METTL3: variants seen among roughly 807,000 people sequenced by gnomAD.
METTL3 encodes N(6)-adenosine-methyltransferase catalytic subunit METTL3.
Under a neutral mutation model 64.3 loss-of-function variants are expected in METTL3, and 42 were observed. The observed-to-expected ratio is 0.65, with a 90% CI of 0.51 to 0.84. METTL3 has a LOEUF of 0.84. Among genes scored for constraint, METTL3 ranks in the 40% least tolerant of loss-of-function variants. The probability of loss-of-function intolerance (pLI) is 0.00; values close to 1 mark genes in which losing one functional copy is unlikely to be tolerated. For synonymous variants in METTL3, 256 were observed against 263.6 expected (o/e 0.97, Z 0.28); for missense variants, 435 against 722.3 (o/e 0.60, Z 4.56).
At chr14:21,498,407 TG>T (rs1405070285) in intron 10 of METTL3, 38 bp from the exon 11 acceptor site, 5 of 1,603,986 alleles carry the variant, frequency 3.1e-6, no homozygotes, top group Non-Finnish European at 4.3e-6. Context: ...CCAGAAATCC[TG>T]GAATTAGAGG....
At position 21,499,818 on chromosome 14, in the gene METTL3, T is replaced by C. The variant is rs776013547; in HGVS notation, c.1305-16A>G. On this transcript the variant is annotated splice_polypyrimidine_tract_variant and intron_variant, in intron 6 of 10. Coordinates refer to ENST00000298717, the MANE Select transcript of METTL3 (RefSeq NM_019852.5). ...CTCCATGGCCCTAGAAAGAAATGAG[T>C]TAAACAACTATTTGTATGCCCATAT... 2 of 1,610,516 alleles carry C rather than the reference T, an allele frequency of 1.2e-6. No homozygotes were observed. Among genetic ancestry groups the C allele is most frequent in the East Asian group, 2.2e-5 (1 of 44,864 alleles).
At position 21,500,717 on chromosome 14, in the gene METTL3, T is replaced by TA. The variant is rs757742876; in HGVS notation, c.1117-36_1117-35insT. On this transcript the variant is annotated intron_variant, in intron 5 of 10. Coordinates refer to ENST00000298717, the MANE Select transcript of METTL3 (RefSeq NM_019852.5). ...GTGGTATTTGGTCATCTTCCCTACT[T>TA]TAACTCTGAGATTCATGGCCCGAGT... 3 of 1,583,772 alleles carry TA rather than the reference T, an allele frequency of 1.9e-6. No homozygotes were observed. In the South Asian group the frequency reaches 3.4e-5, roughly 18 times the overall value.
intron 5 of METTL3, 82 bp from the exon 6 acceptor site, chr14:21,500,764 T>A (rs1891545357): frequency 6.7e-7 from 1 of 1,496,040 alleles, no homozygotes; most frequent in South Asian, 1.3e-5. Flanking sequence ...ATTTGATTTT[T>A]CCTATTCCCT....
Position 21,498,259 on chromosome 14 carries a change from T to TATAGGTTTAGAG in METTL3, c.1741_1742insCTCTAAACCTAT (p.Leu580_Ter581insSerLeuAsnLeu). Reference sequence around the variant, plus strand: ...TCTTAGCTCTGTAAGGAAGTGCTTCTATAAATTCTTAGGTTTAGAGATGAT... The same window carrying TATAGGTTTAGAG: ...TCTTAGCTCTGTAAGGAAGTGCTTCTATAGGTTTAGAGATAAATTCTTAGGTTTAGAGATGAT... On this transcript the variant is annotated inframe_insertion, in exon 11 of 11. Coordinates refer to ENST00000298717, the MANE Select transcript of METTL3 (RefSeq NM_019852.5). 6.4e-7 allele frequency: 1 copy of TATAGGTTTAGAG among 1,556,824 alleles called. No individual in the cohort carries two copies. Among genetic ancestry groups the TATAGGTTTAGAG allele is most frequent in the Non-Finnish European group, 8.9e-7 (1 of 1,127,744 alleles).
At chr14:21,507,609 GC>G (rs1891729847) in intron 1 of METTL3, 1 of 152,168 alleles carries the variant, frequency 6.6e-6, no homozygotes, top group Admixed American at 6.5e-5. Flanking sequence ...CTTGCAGTGA[GC>G]CGAGATCGCG....
Position 21,500,633 on chromosome 14 carries a change from A to T in METTL3, c.1166T>A (p.Phe389Tyr). The change falls in exon 6 of 11, where the codon TTT becomes TAT. Residue 389 changes from phenylalanine to tyrosine, a missense_variant. Around this residue, in one of 9 missense-constraint regions of METTL3, gnomAD observed 67 missense variants for 71.5 expected, o/e 0.94. Coordinates refer to ENST00000298717, the MANE Select transcript of METTL3 (RefSeq NM_019852.5). ...GGGTGGGTCAGCCATCACAACTGCA[A>T]ACTTGCCCAAGATACTGACGTCCAG... ...RYLDVSILGK[F>Y]AVVMADPPWD... is the part of the protein sequence containing the mutation. 1 of 1,614,066 alleles carries T rather than the reference A, an allele frequency of 6.2e-7. No individual in the cohort carries two copies. The highest frequency in any genetic ancestry group is 8.5e-7 in the Non-Finnish European group (1 of 1,179,998).
chr14:21,507,628 A>G (rs561217532), intron 1 of METTL3: 28 of 152,344 alleles, frequency 1.8e-4, no homozygotes, highest in Non-Finnish European at 3.7e-4. Context: ...GCGCCACTGC[A>G]TTCCAGCCTG....
intron 1 of METTL3, chr14:21,504,645 T>A (rs1215867739): frequency 6.6e-6 from 1 of 152,242 alleles, no homozygotes; most frequent in Non-Finnish European, 1.5e-5. Context: ...AATATTTCCA[T>A]TCTGGTAAGG....
intron 1 of METTL3, chr14:21,504,927 A>C (rs1227285381): frequency 6.6e-6 from 1 of 152,288 alleles, no homozygotes; most frequent in East Asian, 1.9e-4. Flanking sequence ...GCGACAGAGC[A>C]AGACTCTGTC....
rs1891613618 is a variant in METTL3 at position 21,503,229 on chromosome 14, G to T, written c.667C>A (p.Leu223Met). The T allele has an allele frequency of 6.2e-7, 1 of 1,614,156 alleles. No homozygotes were observed. The highest frequency in any genetic ancestry group is 1.3e-5 in the African/African-American group (1 of 75,058). Residue 223 changes from leucine to methionine, a missense_variant, in exon 3 of 11, where the codon CTG (leucine) becomes ATG (methionine). Leu to Met is a conservative substitution (Grantham distance 15). Coordinates refer to ENST00000298717, the MANE Select transcript of METTL3 (RefSeq NM_019852.5). ...TGGTTCAGAAGGCTCTCTATCTCCAGATCAACATCTGAGGCAGCATGTTTC... is the reference window on the plus strand; with the variant it reads ...TGGTTCAGAAGGCTCTCTATCTCCATATCAACATCTGAGGCAGCATGTTTC... The part of the protein sequence containing the change: ...SRKHAASDVD[L>M]EIESLLNQQS...
At chr14:21,498,759 A>G (rs758826518) in intron 10 of METTL3, 267 of 487,652 alleles carry the variant, frequency 5.5e-4, no homozygotes, top group Non-Finnish European at 8.1e-4. Flanking sequence ...GATTCAATAC[A>G]TCACAGAATG....
At position 21,503,481 on chromosome 14, in the gene METTL3, C is replaced by T. The variant is rs1382850469; in HGVS notation, c.415G>A (p.Asp139Asn). The change falls in exon 3 of 11, where the codon GAT becomes AAT. Residue 139 changes from aspartate (D) to asparagine (N), a missense_variant. Physicochemically the swap from Asp to Asn is conservative, Grantham distance 23. This residue lies in a region of METTL3 where 228 missense variants were observed against 279.6 expected (regional missense o/e 0.82). Coordinates refer to ENST00000298717, the MANE Select transcript of METTL3 (RefSeq NM_019852.5). ...TAGGTTACAAGAGTAGGATGTGCAT[C>T]ATCTTGTAGGAGACCTCGCTTTACC... is the stretch of plus-strand genomic sequence containing the variant. Reference protein sequence around the residue: ...IEVKRGLLQDDAHPTLVTYAD... With the variant: ...IEVKRGLLQDNAHPTLVTYAD... 1 of 1,612,878 alleles carries T rather than the reference C, an allele frequency of 6.2e-7. No individual in the cohort carries two copies. The highest frequency in any genetic ancestry group is 8.5e-7 in the Non-Finnish European group (1 of 1,180,030).
Position 21,503,488 on chromosome 14 carries a change from TAGG to T in METTL3, c.405_407del (p.Leu136del). ...CAAGAGTAGGATGTGCATCATCTTG[TAGG>T]AGACCTCGCTTTACCTCAATCAACT... On this transcript the variant is annotated inframe_deletion, in exon 3 of 11. Coordinates refer to ENST00000298717, the MANE Select transcript of METTL3 (RefSeq NM_019852.5). 1 of 1,612,682 alleles carries T rather than the reference TAGG, an allele frequency of 6.2e-7. No homozygotes were observed. The highest frequency in any genetic ancestry group is 8.5e-7 in the Non-Finnish European group (1 of 1,180,022).
Position 21,499,333 on chromosome 14 carries a change from A to G in METTL3, c.1491T>C (p.Gly497=), listed in dbSNP as rs781369441. Residue 497 remains glycine, a synonymous_variant, in exon 9 of 11, where the codon GGT becomes GGC. Transcript: ENST00000298717. ...VKGNPQGFNQ[G]LDCDVIVAEV... is the part of the protein sequence containing the mutation. ...CAGCTACGATCACATCACAATCCAGACCCTGGTTGAAGCCTTGGGGATTTC... is the reference window on the plus strand; with the variant it reads ...CAGCTACGATCACATCACAATCCAGGCCCTGGTTGAAGCCTTGGGGATTTC... 1 of 1,614,162 alleles carries G rather than the reference A, an allele frequency of 6.2e-7. No individual in the cohort carries two copies. The highest frequency in any genetic ancestry group is 1.1e-5 in the South Asian group (1 of 91,080).
At chr14:21,504,626 G>A (rs982852976) in intron 1 of METTL3, 1 of 152,180 alleles carries the variant, frequency 6.6e-6, no homozygotes, top group African/African-American at 2.4e-5. Flanking sequence ...GAAATATTTT[G>A]TTTACTTAAA....
At chr14:21,503,128 T>TTA in intron 3 of METTL3, 45 bp downstream of exon 3, 1 of 1,551,500 alleles carries the variant, frequency 6.4e-7, no homozygotes, top group Non-Finnish European at 8.7e-7. Flanking sequence ...CAAACAAAGC[T>TTA]ATAATTAAGA....
intron 1 of METTL3, among the ~76,000 whole-genome samples, chr14:21,505,388 C>G (rs997163601): frequency 6.6e-6 from 1 of 152,206 alleles, no homozygotes; most frequent in Non-Finnish European, 1.5e-5. Flanking sequence ...TGACTTTTCT[C>G]ATTGGTAATC....
chr14:21,500,383 A>C, intron 6 of METTL3, 112 bp downstream of exon 6: 1 of 1,072,092 alleles, frequency 9.3e-7, no homozygotes, highest in Non-Finnish European at 1.4e-6. Context: ...AAAAAAGACT[A>C]AATCAGTCAT....
At chr14:21,502,055 AC>A (rs1008007473) in intron 3 of METTL3, 152 bp from the exon 4 acceptor site, 3 of 648,688 alleles carry the variant, frequency 4.6e-6, no homozygotes, top group Admixed American at 3.3e-5. Flanking sequence ...TCTTGCTGTC[AC>A]CCAGGCCAGA....
Sources: allele counts gnomAD v4.1 joint callset (sites outside exome capture counted in the v4.1 genomes callset), GRCh38; gene constraint gnomAD v4.1.1; regional missense constraint gnomAD v4.1.1; transcripts MANE v1.5; gene names NCBI Gene and HGNC (gene_info 2026-07-23, HGNC 2026-07-21).